The following ARL5B variants were observed in gnomAD, a reference collection of about 807,000 sequenced individuals.
ARL5B encodes ADP-ribosylation factor-like protein 5B.
A neutral mutation model predicts 26.9 loss-of-function variants in ARL5B; 10 were observed. The observed-to-expected ratio is 0.37, with a 90% CI of 0.23 to 0.63. The LOEUF (loss-of-function observed/expected upper bound fraction) is 0.63, where lower values mean the gene tolerates loss of function less well. Among genes scored for constraint, ARL5B ranks in the 30% least tolerant of loss-of-function variants. ARL5B has a pLI of 0.62. For synonymous variants in ARL5B, 87 were observed against 70.4 expected, an observed-to-expected ratio of 1.24 and a Z score of -1.18; for missense variants, 167 against 213.9, an observed-to-expected ratio of 0.78 and a Z score of 1.37.
chr10:18,672,590 A>G lies in ARL5B; in HGVS notation c.256-32A>G, dbSNP rs2059892739. ...AGAAAACTTTTCAGCATCCCATTCA[A>G]TTTTCTGTCTTTCCTTTTAATTTTC... On this transcript the variant is annotated intron_variant, in intron 3 of 5. Coordinates refer to ENST00000377275, the MANE Select transcript of ARL5B (RefSeq NM_178815.5). 5 of 1,551,822 alleles carry G rather than the reference A, an allele frequency of 3.2e-6. No homozygotes were observed. In the South Asian group the frequency reaches 4.6e-5, roughly 14 times the overall value.
intron 4 of ARL5B, 69 bp from the exon 5 acceptor site, chr10:18,673,915 T>C: frequency 6.9e-7 from 1 of 1,441,262 alleles, no homozygotes; most frequent in Non-Finnish European, 9.2e-7. Context: ...CACTTCATTA[T>C]AACTGTTCAG....
chr10:18,670,943 C>G (rs1161597942), intron 3 of ARL5B, among the ~76,000 whole-genome samples: 1 of 152,160 alleles, frequency 6.6e-6, no homozygotes, highest in African/African-American at 2.4e-5. Context: ...GCGCCTGTCA[C>G]TTTGCATTTT....
Position 18,674,103 on chromosome 10 carries a change from C to T in ARL5B, c.459C>T (p.His153=), listed in dbSNP as rs765434195. ...TLSSIKDHPW[H]IQSCCALTGE... ...GTTCAATTAAGGATCATCCATGGCACATTCAATCCTGCTGTGCTCTCACAG... is the reference window on the plus strand; with the variant it reads ...GTTCAATTAAGGATCATCCATGGCATATTCAATCCTGCTGTGCTCTCACAG... Residue 153 remains histidine (H), a synonymous_variant, in exon 5 of 6, where the codon CAC becomes CAT. Transcript: ENST00000377275. The T allele has an allele frequency of 1.2e-5, 19 of 1,612,124 alleles. No homozygotes were observed. Among genetic ancestry groups the T allele is most frequent in the East Asian group, 2.2e-5 (1 of 44,736 alleles).
chr10:18,660,436 G>A lies in ARL5B; in HGVS notation c.46+753G>A, dbSNP rs77569424. 4.6e-3 allele frequency among the ~76,000 whole-genome samples: 699 copies of A among 152,284 alleles called. 8 individuals carry two copies. Among genetic ancestry groups the A allele is most frequent in the African/African-American group, 0.016 (666 of 41,556 alleles). Reference sequence around the variant, plus strand: ...AGACCAAAAAAGGGGCCGACGATAAGTTAAAGTTTGAGGCGTCCTTTGAAC... The same window carrying A: ...AGACCAAAAAAGGGGCCGACGATAAATTAAAGTTTGAGGCGTCCTTTGAAC... On this transcript the variant is annotated intron_variant, in intron 1 of 5. Coordinates refer to ENST00000377275, the MANE Select transcript of ARL5B (RefSeq NM_178815.5).
intron 1 of ARL5B, among the ~76,000 whole-genome samples, chr10:18,666,019 T>A (rs942608405): frequency 1.8e-4 from 27 of 152,162 alleles, no homozygotes; most frequent in Admixed American, 1.8e-3. Flanking sequence ...GTTGAAAAAA[T>A]GTTAAACAAT....
intron 1 of ARL5B, among the ~76,000 whole-genome samples, chr10:18,660,188 G>C (rs1055372704): frequency 1.3e-5 from 2 of 152,086 alleles, no homozygotes; most frequent in Admixed American, 6.5e-5. Flanking sequence ...GTCCTATTCA[G>C]ATGCACGAGT....
intron 1 of ARL5B, among the ~76,000 whole-genome samples, chr10:18,665,354 G>A (rs1221411163): frequency 6.6e-6 from 1 of 152,104 alleles, no homozygotes; most frequent in African/African-American, 2.4e-5. Flanking sequence ...GAGAATTATA[G>A]TGAGTTATAC....
intron 4 of ARL5B, 35 bp from the exon 5 acceptor site, chr10:18,673,949 T>C (rs1435527706): frequency 6.4e-7 from 1 of 1,561,520 alleles, no homozygotes; most frequent in Non-Finnish European, 8.7e-7. Flanking sequence ...AATTGTGGTA[T>C]TTCACATATT....
intron 3 of ARL5B, 39 bp from the exon 4 acceptor site, chr10:18,672,583 C>G (rs2059892688): frequency 6.7e-7 from 1 of 1,490,180 alleles, no homozygotes; most frequent in African/African-American, 1.4e-5. Flanking sequence ...TTTCAGCATC[C>G]CATTCAATTT....
chr10:18,659,774 G>C (rs901993207), intron 1 of ARL5B, 91 bp downstream of exon 1: 42 of 1,561,996 alleles, frequency 2.7e-5, no homozygotes, highest in Non-Finnish European at 3.3e-5. Flanking sequence ...CAGAGCGTTC[G>C]GAGACGCGGA....
At chr10:18,664,579 A>T (rs1007907226) in intron 1 of ARL5B, among the ~76,000 whole-genome samples, 30 of 151,492 alleles carry the variant, frequency 2.0e-4, no homozygotes, top group African/African-American at 7.0e-4. Flanking sequence ...CTGGGACTAC[A>T]GGCACCCGCC....
In ARL5B at chr10:18,678,499, A is replaced by C. The variant is rs1304100429; in HGVS notation, c.*3283A>C. ...AAAGAATATAGAAGCTTTTTTAAAA[A>C]ATCTTTTTAGTGTAGTTTCTTAGAA... is the stretch of plus-strand genomic sequence containing the variant. On this transcript the variant is annotated 3_prime_UTR_variant, in exon 6 of 6. Transcript: ENST00000377275. 2 of 151,926 alleles carry C rather than the reference A, an allele frequency of 1.3e-5. No individual in the cohort carries two copies. The highest frequency in any genetic ancestry group is 6.6e-5 in the Admixed American group (1 of 15,252). The allele number at this position is 151,926 out of a possible 1,614,324, so 9.4% of individuals were successfully genotyped here. A position where few individuals can be genotyped will look rare whatever the true frequency, so the allele number is the denominator to read the frequency against.
chr10:18,671,689 G>C (rs987728008), intron 3 of ARL5B, among the ~76,000 whole-genome samples: 4 of 135,670 alleles, frequency 2.9e-5, no homozygotes, highest in African/African-American at 1.1e-4. Flanking sequence ...TTTAAAAAAT[G>C]AGTTAGGGCC....
intron 1 of ARL5B, among the ~76,000 whole-genome samples, chr10:18,664,523 C>T (rs1296975345): frequency 4.7e-5 from 7 of 148,152 alleles, no homozygotes; most frequent in Non-Finnish European, 8.9e-5. Context: ...CCGCAAGCTC[C>T]GTCTTCCGGG....
In ARL5B at chr10:18,677,900, G is replaced by A. The variant is rs1037620858; in HGVS notation, c.*2684G>A. 8.0e-4 allele frequency: 122 copies of A among 152,050 alleles called. 2 individuals are homozygous for A. The highest frequency in any genetic ancestry group is 2.7e-3 in the African/African-American group (114 of 41,530). 9.4% of individuals were successfully genotyped at this position (152,050 alleles called of 1,614,324 possible). On this transcript the variant is annotated 3_prime_UTR_variant, in exon 6 of 6. Coordinates refer to ENST00000377275, the MANE Select transcript of ARL5B (RefSeq NM_178815.5). ...CCACCTACATTACCTTCAGGAGACT[G>A]TTCTACCTTTTAATTTGAAAACAAG... is the stretch of plus-strand genomic sequence containing the variant.
chr10:18,666,538 T>C (rs1407255414), intron 1 of ARL5B, 37 bp from the exon 2 acceptor site: 1 of 1,507,402 alleles, frequency 6.6e-7, no homozygotes, highest in Non-Finnish European at 9.1e-7. Flanking sequence ...AGTAATGCAG[T>C]AGTGTTAAAT....
Position 18,659,588 on chromosome 10 carries a change from G to C in ARL5B, c.-50G>C. The C allele has an allele frequency of 6.3e-7, 1 of 1,575,098 alleles. No homozygotes were observed. The highest frequency in any genetic ancestry group is 8.6e-7 in the Non-Finnish European group (1 of 1,162,542). ...CCCGCGCCGCGGTGGGGGACCCGGC[G>C]CAGCGGCACCTGCTGCCGAGGGACC... On this transcript the variant is annotated 5_prime_UTR_variant, in exon 1 of 6. Transcript: ENST00000377275.
rs752842238 is a variant in ARL5B at position 18,674,104 on chromosome 10, A to G, written c.460A>G (p.Ile154Val). The change falls in exon 5 of 6, where the codon ATT (isoleucine) becomes GTT (valine). Residue 154 changes from isoleucine to valine, a missense_variant. Ile to Val is a conservative substitution (Grantham distance 29). Transcript: ENST00000377275. ...LSSIKDHPWH[I>V]QSCCALTGEG... The stretch of plus-strand genomic sequence containing the variant: ...TTCAATTAAGGATCATCCATGGCAC[A>G]TTCAATCCTGCTGTGCTCTCACAGG... 2 of 1,612,474 alleles carry G rather than the reference A, an allele frequency of 1.2e-6. No individual in the cohort carries two copies. The highest frequency in any genetic ancestry group is 2.2e-5 in the South Asian group (2 of 90,946).
intron 3 of ARL5B, 149 bp from the exon 4 acceptor site, chr10:18,672,473 T>C (rs1367281562): frequency 7.6e-6 from 4 of 523,556 alleles, no homozygotes; most frequent in Non-Finnish European, 1.4e-5. Context: ...TTCAGTATTA[T>C]AAAAGCTGTT....
Sources: allele counts gnomAD v4.1 joint callset (sites outside exome capture counted in the v4.1 genomes callset), GRCh38; gene constraint gnomAD v4.1.1; transcripts MANE v1.5; gene names NCBI Gene and HGNC (gene_info 2026-07-23, HGNC 2026-07-21).